The following WDPCP variants were observed in gnomAD, a reference collection of about 807,000 sequenced individuals.
The protein encoded by WDPCP is WD repeat containing planar cell polarity effector.
WDPCP carries 71 observed loss-of-function variants against 93.1 expected under a neutral mutation model. That is an observed-to-expected ratio of 0.76 (90% CI 0.63 to 0.93). WDPCP has a LOEUF of 0.93. Ranked by LOEUF, WDPCP falls within the 40% of genes least tolerant of loss-of-function variation. WDPCP has a pLI of 0.00. For missense variants in WDPCP, 844 were observed against 887.4 expected (o/e 0.95, Z 0.62); for synonymous variants, 315 against 315.0 (o/e 1.00, Z 0.00).
At chr2:63,334,884 T>C (rs1395407173) in intron 12 of WDPCP, among the ~76,000 whole-genome samples, 2 of 152,104 alleles carry the variant, frequency 1.3e-5, no homozygotes, top group African/African-American at 2.4e-5. Flanking sequence ...ACGAGGAAAT[T>C]TCTTGTGGGC....
intron 2 of WDPCP, among the ~76,000 whole-genome samples, chr2:63,807,990 T>C (rs1670793203): frequency 6.6e-6 from 1 of 152,336 alleles, no homozygotes; most frequent in South Asian, 2.1e-4. Flanking sequence ...CAGATTCATA[T>C]GATAGATATT....
intron 12 of WDPCP, among the ~76,000 whole-genome samples, chr2:63,317,237 C>G (rs1686712317): frequency 1.3e-5 from 2 of 151,690 alleles, no homozygotes; most frequent in South Asian, 2.1e-4. Flanking sequence ...CCCAGCACTA[C>G]TTAAAAAAAC....
At chr2:63,318,807 G>A (rs182288005) in intron 12 of WDPCP, among the ~76,000 whole-genome samples, 8 of 152,138 alleles carry the variant, frequency 5.3e-5, no homozygotes, top group Admixed American at 2.0e-4. Context: ...AGTACCTATC[G>A]AATACTATGC....
Position 63,121,930 on chromosome 2 carries a change from A to G in WDPCP, c.*76T>C. The G allele has an allele frequency of 1.3e-6, 2 of 1,596,980 alleles. No homozygotes were observed. The highest frequency in any genetic ancestry group is 1.2e-5 in the South Asian group (1 of 85,902). On this transcript the variant is annotated 3_prime_UTR_variant, in exon 18 of 18. Transcript: ENST00000272321. ...ATACTGTCTCTTGTTAAAAATCCAC[A>G]CGGGGGATTTTAAGTCTGTATCAGG...
intron 9 of WDPCP, among the ~76,000 whole-genome samples, chr2:63,410,597 A>G (rs1694953181): frequency 6.6e-6 from 1 of 152,174 alleles, no homozygotes; most frequent in African/African-American, 2.4e-5. Context: ...ATACAGAACT[A>G]CAGAATGGGT....
intron 14 of WDPCP, among the ~76,000 whole-genome samples, chr2:63,228,005 C>G (rs983685807): frequency 2.0e-5 from 3 of 152,020 alleles, no homozygotes; most frequent in South Asian, 4.1e-4. Context: ...AATGTTACTA[C>G]TTGTATCATT....
intron 13 of WDPCP, among the ~76,000 whole-genome samples, chr2:63,266,935 C>T (rs1253355144): frequency 6.6e-6 from 1 of 152,078 alleles, no homozygotes. Flanking sequence ...CATTGCAATT[C>T]CTATCAAAAT....
chr2:63,216,105 G>A (rs1677311353), intron 14 of WDPCP, among the ~76,000 whole-genome samples: 1 of 152,140 alleles, frequency 6.6e-6, no homozygotes, highest in Non-Finnish European at 1.5e-5. Context: ...TTACACTGTT[G>A]GTGGGACTGT....
chr2:63,217,031 C>G (rs1677418188), intron 14 of WDPCP, among the ~76,000 whole-genome samples: 1 of 152,098 alleles, frequency 6.6e-6, no homozygotes, highest in African/African-American at 2.4e-5. Context: ...TACGTTTTTC[C>G]TTTGAAGCAT....
chr2:63,534,920 T>G (rs368284821), intron 1 of WDPCP, among the ~76,000 whole-genome samples: 1 of 152,104 alleles, frequency 6.6e-6, no homozygotes, highest in Non-Finnish European at 1.5e-5. Flanking sequence ...GAAGTCAAAT[T>G]GTTCCTGTTT....
At chr2:63,298,501 G>A (rs1685052999) in intron 13 of WDPCP, among the ~76,000 whole-genome samples, 1 of 151,840 alleles carries the variant, frequency 6.6e-6, no homozygotes, top group African/African-American at 2.4e-5. Flanking sequence ...GAAGAAGGTG[G>A]AAGAAGCTGA....
At chr2:63,211,405 T>G (rs937181085) in intron 14 of WDPCP, among the ~76,000 whole-genome samples, 2 of 152,170 alleles carry the variant, frequency 1.3e-5, no homozygotes, top group Non-Finnish European at 2.9e-5. Context: ...GGGTCCTGAC[T>G]TTTAGAAGGA....
At chr2:63,188,233 C>A (rs577207759) in intron 14 of WDPCP, among the ~76,000 whole-genome samples, 75 of 152,214 alleles carry the variant, frequency 4.9e-4, no homozygotes, top group Non-Finnish European at 9.6e-4. Flanking sequence ...CTTTTATCAG[C>A]CTTGGGAAGT....
rs370479356 is a variant in WDPCP at position 63,602,934 on chromosome 2, C to CTTTTTTTTTTTTTTTTT, written n.488+47708_488+47724dup. 2.5e-4 allele frequency among the ~76,000 whole-genome samples: 33 copies of CTTTTTTTTTTTTTTTTT among 131,600 alleles called. 5 individuals are homozygous for CTTTTTTTTTTTTTTTTT. The highest frequency in any genetic ancestry group is 4.0e-4 in the Non-Finnish European group (24 of 59,592). The allele number at this position is 131,600 out of a possible 152,430, so 86.3% of individuals were successfully genotyped here. A position where few individuals can be genotyped will look rare whatever the true frequency, so the allele number is the denominator to read the frequency against. On this transcript the variant is annotated intron_variant and non_coding_transcript_variant, in intron 3 of 4. Transcript: ENST00000467687. ...ACATAATACAGTTTATTTAACCGTT[C>CTTTTTTTTTTTTTTTTT]TTTTTTTTTTTTTTTTTTTTTTTTT...
upstream of WDPCP, among the ~76,000 whole-genome samples, chr2:63,591,665 TC>T (rs1179240745): frequency 6.6e-6 from 1 of 152,186 alleles, no homozygotes; most frequent in Non-Finnish European, 1.5e-5. Context: ...ACCCTAACCT[TC>T]CTTCATTCAA....
chr2:63,804,802 A>G (rs969668686), intron 2 of WDPCP, among the ~76,000 whole-genome samples: 4 of 151,554 alleles, frequency 2.6e-5, no homozygotes, highest in African/African-American at 9.7e-5. Flanking sequence ...GGCCGAGGCG[A>G]GCAGATCACA....
chr2:63,519,052 C>T, intron 1 of WDPCP: 1 of 93,052 alleles, frequency 1.1e-5, no homozygotes, highest in Non-Finnish European at 2.0e-5. Flanking sequence ...TGTGCACATC[C>T]TGCCACCCCC....
intron 9 of WDPCP, among the ~76,000 whole-genome samples, chr2:63,415,080 TA>T (rs1343779922): frequency 2.0e-5 from 3 of 152,156 alleles, no homozygotes; most frequent in African/African-American, 7.2e-5. Context: ...CATAAAAGTT[TA>T]AAGATTAAAA....
chr2:63,500,929 A>G (rs879772496), intron 1 of WDPCP, among the ~76,000 whole-genome samples: 1 of 152,184 alleles, frequency 6.6e-6, no homozygotes, highest in African/African-American at 2.4e-5. Context: ...TTAGCTTCTA[A>G]TGTTAATATT....
Sources: allele counts gnomAD v4.1 joint callset (sites outside exome capture counted in the v4.1 genomes callset), GRCh38; gene constraint gnomAD v4.1.1; transcripts MANE v1.5; gene names NCBI Gene and HGNC (gene_info 2026-07-23, HGNC 2026-07-21).